Variants in NES observed in about 807,000 individuals in gnomAD.
The protein encoded by NES is nestin.
A neutral mutation model predicts 35.6 loss-of-function variants in NES; 27 were observed. The observed-to-expected ratio is 0.76, with a 90% CI of 0.56 to 1.04. The LOEUF is 1.04. NES is among the 50% of genes least tolerant of loss of function. NES has a pLI of 0.00. For missense variants in NES, 1,867 were observed against 1,983.6 expected, an observed-to-expected ratio of 0.94 and a Z score of 1.12; for synonymous variants, 822 against 824.2, an observed-to-expected ratio of 1.00 and a Z score of 0.04.
At chr1:156,673,305 C>G in intron 3 of NES, 100 bp from the exon 4 acceptor site, 1 of 1,295,484 alleles carries the variant, frequency 7.7e-7, no homozygotes, top group East Asian at 2.4e-5. Context: ...TGCGCCTGCC[C>G]CTGGCGCCCA....
rs1679650326 is a variant in NES, at chr1:156,669,438, C to T, written c.4750G>A (p.Gly1584Arg). 3.1e-6 allele frequency: 5 copies of T among 1,613,894 alleles called. No homozygotes were observed. Among genetic ancestry groups the T allele is most frequent in the Non-Finnish European group, 4.2e-6 (5 of 1,179,836 alleles). ...DRGSPFQEEE[G>R]SALKTSWAGA... ...GCCCAAGAGGTCTTCAGAGCACTCCCCTCCTCCTCCTGAAAGGGGCTCCCT... is the reference window on the plus strand; with the variant it reads ...GCCCAAGAGGTCTTCAGAGCACTCCTCTCCTCCTCCTGAAAGGGGCTCCCT... The change falls in exon 4 of 4, where the codon GGG becomes AGG. Residue 1584 changes from glycine (G) to arginine (R), a missense_variant. Physicochemically the swap from Gly to Arg is moderately radical, Grantham distance 125 (BLOSUM62 -2). Transcript: ENST00000368223.
chr1:156,675,409 C>T, intron 1 of NES, 69 bp from the exon 2 acceptor site: 1 of 1,508,576 alleles, frequency 6.6e-7, no homozygotes. Flanking sequence ...CTGCCTCCTG[C>T]CCGCTGCCGC....
chr1:156,670,217 T>G lies in NES; in HGVS notation c.3971A>C (p.Gln1324Pro). The G allele has an allele frequency of 3.7e-6, 6 of 1,613,904 alleles. No homozygotes were observed. Among genetic ancestry groups the G allele is most frequent in the Non-Finnish European group, 5.1e-6 (6 of 1,179,922 alleles). ...DPTGEQRPPP[Q>P]GETGKEGWDP... ...CCAGCCCTCCTTTCCAGTCTCCCCT[T>G]GAGGGGGTGGCCTCTGCTCTCCAGT... Residue 1324 changes from glutamine (Q) to proline (P), a missense_variant, in exon 4 of 4, where the codon CAA becomes CCA. Gln to Pro is a moderately conservative substitution (Grantham distance 76). Transcript: ENST00000368223.
rs201812334 is a variant in NES at position 156,669,706 on chromosome 1, C to T, written c.4482G>A (p.Glu1494=). ...ALETESQDSA[E]PSGSEEESDP... ...CAGACTCTTCCTCTGAGCCAGAAGGCTCAGCACTGTCCTGGGACTCCGTTT... is the reference window on the plus strand; with the variant it reads ...CAGACTCTTCCTCTGAGCCAGAAGGTTCAGCACTGTCCTGGGACTCCGTTT... Residue 1494 remains glutamate, a synonymous_variant, in exon 4 of 4, where the codon GAG becomes GAA. Transcript: ENST00000368223. The T allele has an allele frequency of 6.2e-6, 10 of 1,613,954 alleles. No individual in the cohort carries two copies. The East Asian group carries it at 1.8e-4, about 29-fold the overall frequency.
rs1259603297 is a variant in NES, at chr1:156,671,774, T to C, written c.2414A>G (p.Glu805Gly). ...IARPLENENQEFLKSLKEESV... is the reference protein window; with the variant it reads ...IARPLENENQGFLKSLKEESV... ...CTCTTCTTTGAGTGACTTTAAGAAC[T>C]CTTGATTCTCATTTTCAAGAGGTCT... The change falls in exon 4 of 4, where the codon GAG becomes GGG. Residue 805 changes from glutamate (E) to glycine (G), a missense_variant. Transcript: ENST00000368223. 1.9e-6 allele frequency: 3 copies of C among 1,614,122 alleles called. No individual in the cohort carries two copies. The highest frequency in any genetic ancestry group is 2.5e-6 in the Non-Finnish European group (3 of 1,180,010).
In NES at chr1:156,670,311, C is replaced by T; in HGVS notation, c.3877G>A (p.Glu1293Lys). ...REESEEDELG[E>K]TLPDSTPLGF... ...AGGGGAGTGGAGTCTGGAAGGGTCTCCCCGAGCTCATCCTCCTCGCTCTCT... is the reference window on the plus strand; with the variant it reads ...AGGGGAGTGGAGTCTGGAAGGGTCTTCCCGAGCTCATCCTCCTCGCTCTCT... The change falls in exon 4 of 4, where the codon GAG (glutamate) becomes AAG (lysine). Residue 1293 changes from glutamate to lysine, a missense_variant. Physicochemically the swap from Glu to Lys is moderately conservative, Grantham distance 56 (BLOSUM62 1). Coordinates refer to ENST00000368223, the MANE Select transcript of NES (RefSeq NM_006617.2). 1 of 1,612,038 alleles carries T rather than the reference C, an allele frequency of 6.2e-7. No individual in the cohort carries two copies. The highest frequency in any genetic ancestry group is 8.5e-7 in the Non-Finnish European group (1 of 1,178,892).
chr1:156,669,722 G>A lies in NES; in HGVS notation c.4466C>T (p.Ser1489Phe). The A allele has an allele frequency of 3.7e-6, 6 of 1,613,988 alleles. No homozygotes were observed. The highest frequency in any genetic ancestry group is 5.1e-6 in the Non-Finnish European group (6 of 1,179,972). ...GCCAGAAGGCTCAGCACTGTCCTGG[G>A]ACTCCGTTTCCAGGGCAGTCTTGGG... ...GAPKTALETE[S>F]QDSAEPSGSE... Residue 1489 changes from serine to phenylalanine, a missense_variant, in exon 4 of 4, where the codon TCC (serine) becomes TTC (phenylalanine). Physicochemically the swap from Ser to Phe is radical, Grantham distance 155. Coordinates refer to ENST00000368223, the MANE Select transcript of NES (RefSeq NM_006617.2).
At position 156,672,186 on chromosome 1, in the gene NES, T is replaced by G. The variant is rs201574820; in HGVS notation, c.2002A>C (p.Thr668Pro). 1.3e-4 allele frequency: 202 copies of G among 1,610,760 alleles called. No homozygotes were observed. The South Asian group carries it at 1.9e-3, about 15-fold the overall frequency. ...SSLQENLESL[T>P]ALEKENQEPL... is the part of the protein sequence containing the mutation. Reference sequence around the variant, plus strand: ...TCTTGATTCTCCTTTTCCAGAGCTGTCAATGACTCTAAGTTCTCTTGCAGA... The same window carrying G: ...TCTTGATTCTCCTTTTCCAGAGCTGGCAATGACTCTAAGTTCTCTTGCAGA... The change falls in exon 4 of 4, where the codon ACA becomes CCA. Residue 668 changes from threonine to proline, a missense_variant. Thr to Pro is a conservative substitution (Grantham distance 38). Coordinates refer to ENST00000368223, the MANE Select transcript of NES (RefSeq NM_006617.2).
intron 3 of NES, 33 bp downstream of exon 3, chr1:156,673,421 T>A: frequency 6.3e-7 from 1 of 1,585,446 alleles, no homozygotes; most frequent in Non-Finnish European, 8.6e-7. Context: ...CAAAGCAGGG[T>A]AGTTTCTGGG....
rs148568870 is a variant in NES at position 156,669,523 on chromosome 1, G to A, written c.4665C>T (p.Asn1555=). 25 of 1,611,732 alleles carry A rather than the reference G, an allele frequency of 1.6e-5. No individual in the cohort carries two copies. Among genetic ancestry groups the A allele is most frequent in the Admixed American group, 3.3e-5 (2 of 59,892 alleles). The change falls in exon 4 of 4, where the codon AAC becomes AAT. Residue 1555 remains asparagine, a synonymous_variant. Coordinates refer to ENST00000368223, the MANE Select transcript of NES (RefSeq NM_006617.2). ...KSQHVNGGVM[N]GLEQSEEVGQ... is the part of the protein sequence containing the mutation. ...CCACTTCCTCAGACTGCTCCAGCCC[G>A]TTCATCACTCCCCCATTCACATGCT...
At position 156,671,043 on chromosome 1, in the gene NES, C is replaced by T. The variant is rs1053580307; in HGVS notation, c.3145G>A (p.Gly1049Arg). The T allele has an allele frequency of 1.5e-5, 24 of 1,613,282 alleles. No individual in the cohort carries two copies. The highest frequency in any genetic ancestry group is 4.5e-5 in the East Asian group (2 of 44,870). Reference sequence around the variant, plus strand: ...TGGGGAGCCTGGAGGCCTGGGGCCCCCACCTGTTGTGATTGCCCTTCAGGG... The same window carrying T: ...TGGGGAGCCTGGAGGCCTGGGGCCCTCACCTGTTGTGATTGCCCTTCAGGG... ...QDPEGQSQQVGAPGLQAPQGL... is the reference protein window; with the variant it reads ...QDPEGQSQQVRAPGLQAPQGL... The change falls in exon 4 of 4, where the codon GGG (glycine) becomes AGG (arginine). Residue 1049 changes from glycine to arginine, a missense_variant. Gly to Arg is a moderately radical substitution (Grantham distance 125, BLOSUM62 -2). Coordinates refer to ENST00000368223, the MANE Select transcript of NES (RefSeq NM_006617.2).
At position 156,671,474 on chromosome 1, in the gene NES, G is replaced by T; in HGVS notation, c.2714C>A (p.Ser905Tyr). 1 of 1,613,922 alleles carries T rather than the reference G, an allele frequency of 6.2e-7. No individual in the cohort carries two copies. Among genetic ancestry groups the T allele is most frequent in the Non-Finnish European group, 8.5e-7 (1 of 1,180,024 alleles). The stretch of plus-strand genomic sequence containing the variant: ...ACTTTCCTTGTCTACCTCCTCTGGA[G>T]ATCTCAAATTCTCCAGGTTCCATGC... ...LGAWNLENLRSPEEVDKESQR... is the reference protein window; with the variant it reads ...LGAWNLENLRYPEEVDKESQR... Residue 905 changes from serine (S) to tyrosine (Y), a missense_variant, in exon 4 of 4, where the codon TCT (serine) becomes TAT (tyrosine). Transcript: ENST00000368223.
rs1305787747 is a variant in NES at position 156,677,342 on chromosome 1, G to A, written c.-78C>T. ...GAGCGGCTCGCAGAGCTTTTAGGAC[G>A]GAAGAGAAAAGAGACCGACGGGGAC... On this transcript the variant is annotated 5_prime_UTR_variant, in exon 1 of 4. Transcript: ENST00000368223. The surrounding 1 kb of genome is among the most constrained non-coding windows in gnomAD (Gnocchi z 4.5). 2.2e-6 allele frequency: 2 copies of A among 893,308 alleles called. No homozygotes were observed. The highest frequency in any genetic ancestry group is 2.9e-4 in the Middle Eastern group (1 of 3,504). 55.3% of individuals were successfully genotyped at this position (893,308 alleles called of 1,614,324 possible).
chr1:156,670,905 C>A lies in NES; in HGVS notation c.3283G>T (p.Ala1095Ser). 5 of 1,611,462 alleles carry A rather than the reference C, an allele frequency of 3.1e-6. No homozygotes were observed. The highest frequency in any genetic ancestry group is 4.2e-6 in the Non-Finnish European group (5 of 1,178,806). Reference protein sequence around the residue: ...GSEPAMGESAAGAEPGPGQGV... With the variant: ...GSEPAMGESASGAEPGPGQGV... ...TGCCCCGGGCCTGGCTCAGCTCCCG[C>A]AGCAGACTCACCCATGGCAGGCTCT... Residue 1095 changes from alanine (A) to serine (S), a missense_variant, in exon 4 of 4, where the codon GCG becomes TCG. By Grantham distance (99) the Ala-to-Ser change is moderately conservative. Transcript: ENST00000368223.
rs372795142 is a variant in NES at position 156,669,305 on chromosome 1, G to C, written c.*17C>G. On this transcript the variant is annotated 3_prime_UTR_variant, in exon 4 of 4. Coordinates refer to ENST00000368223, the MANE Select transcript of NES (RefSeq NM_006617.2). ...CCCGCACCCCTAAGTCCCCAGTGCC[G>C]GGCAGATGGTCTTTTCCTAGTCCTC... The C allele has an allele frequency of 3.9e-6, 6 of 1,521,176 alleles. No individual in the cohort carries two copies. The highest frequency in any genetic ancestry group is 2.1e-5 in the Admixed American group (1 of 48,644). The allele number at this position is 1,521,176 out of a possible 1,614,324, so 94.2% of individuals were successfully genotyped here.
Position 156,677,041 on chromosome 1 carries a change from T to C in NES, c.224A>G (p.His75Arg). ...GTTGTCGCGCGCCACCTCGGCCGCG[T>C]GCTTCTCCCGCCAGCGTTGGTCAAC... Reference protein sequence around the residue: ...ALVDQRWREKHAAEVARDNLA... With the variant: ...ALVDQRWREKRAAEVARDNLA... The change falls in exon 1 of 4, where the codon CAC becomes CGC. Residue 75 changes from histidine (H) to arginine (R), a missense_variant. His to Arg is a conservative substitution (Grantham distance 29, BLOSUM62 0). Transcript: ENST00000368223. This position sits in a 1 kb window ranked among gnomAD's most constrained non-coding sequence, Gnocchi z 4.5. The C allele has an allele frequency of 1.3e-6, 2 of 1,586,814 alleles. No homozygotes were observed. The highest frequency in any genetic ancestry group is 1.1e-5 in the South Asian group (1 of 88,424).
In NES at chr1:156,671,074, G is replaced by A; in HGVS notation, c.3114C>T (p.Leu1038=). 6.2e-7 allele frequency: 1 copy of A among 1,613,886 alleles called. No homozygotes were observed. The highest frequency in any genetic ancestry group is 8.5e-7 in the Non-Finnish European group (1 of 1,180,022). The part of the protein sequence containing the change: ...GASVKGGAEG[L]QDPEGQSQQV... Reference sequence around the variant, plus strand: ...GTTGTGATTGCCCTTCAGGGTCCTGGAGGCCCTCAGCCCCTCCCTTCACAC... The same window carrying A: ...GTTGTGATTGCCCTTCAGGGTCCTGAAGGCCCTCAGCCCCTCCCTTCACAC... The change falls in exon 4 of 4, where the codon CTC becomes CTT. Residue 1038 remains leucine (L), a synonymous_variant. Transcript: ENST00000368223.
In NES at chr1:156,673,470, A is replaced by T; in HGVS notation, c.966T>A (p.Thr322=). Residue 322 remains threonine, a synonymous_variant, in exon 3 of 4, where the codon ACT becomes ACA. Coordinates refer to ENST00000368223, the MANE Select transcript of NES (RefSeq NM_006617.2). ...TCCTCTTACCCTGAAAGCTGAGGGA[A>T]GTCTTGGAGCCACCGCCAGGTGTTT... The part of the protein sequence containing the change: ...RLQTPGGGSK[T]SLSFQDPKLE... 1 of 1,612,976 alleles carries T rather than the reference A, an allele frequency of 6.2e-7. No individual in the cohort carries two copies. The highest frequency in any genetic ancestry group is 1.7e-5 in the Admixed American group (1 of 59,986).
chr1:156,675,296 G>T lies in NES; in HGVS notation c.828C>A (p.Ser276Arg), dbSNP rs1161221871. ...GACCTTCCAGGACCTGAGCGATCTG[G>T]CTCTGTAGGCCCTGTTTCTCCTGCT... ...ALEQEKQGLQSQIAQVLEGRQ... is the reference protein window; with the variant it reads ...ALEQEKQGLQRQIAQVLEGRQ... Residue 276 changes from serine (S) to arginine (R), a missense_variant, in exon 2 of 4, where the codon AGC becomes AGA. By Grantham distance (110) the Ser-to-Arg change is moderately radical. Transcript: ENST00000368223. The T allele has an allele frequency of 6.2e-7, 1 of 1,613,330 alleles. No individual in the cohort carries two copies. The highest frequency in any genetic ancestry group is 1.7e-5 in the Admixed American group (1 of 59,976).
Sources: allele counts gnomAD v4.1 joint callset, GRCh38; gene constraint gnomAD v4.1.1; non-coding constraint Gnocchi (gnomAD v3.1); transcripts MANE v1.5; gene names NCBI Gene and HGNC (gene_info 2026-07-23, HGNC 2026-07-21).